DENND11: variants seen among roughly 807,000 people sequenced by gnomAD.
The protein encoded by DENND11 is DENN domain containing 11.
A neutral mutation model predicts 49.2 loss-of-function variants in DENND11; 34 were observed. That is an observed-to-expected ratio of 0.69 (90% CI 0.53 to 0.92). The LOEUF is 0.92. Ranked by LOEUF, DENND11 falls within the 40% of genes least tolerant of loss-of-function variation. The probability of loss-of-function intolerance (pLI) is 0.00; values close to 1 mark genes in which losing one functional copy is unlikely to be tolerated. For missense variants in DENND11, 475 were observed against 581.6 expected (o/e 0.82, Z 1.88); for synonymous variants, 238 against 230.3 (o/e 1.03, Z -0.30).
intron 3 of DENND11, among the ~76,000 whole-genome samples, chr7:141,685,028 AAATATAT>A (rs1798213202): frequency 2.0e-5 from 2 of 100,894 alleles, no homozygotes; most frequent in African/African-American, 6.7e-5. Flanking sequence ...AAAAAAAAAA[AAATATAT>A]ATATATATAT....
In DENND11 at chr7:141,662,598, G is replaced by A; in HGVS notation, c.*58C>T. 1 of 1,327,410 alleles carries A rather than the reference G, an allele frequency of 7.5e-7. No homozygotes were observed. Among genetic ancestry groups the A allele is most frequent in the East Asian group, 2.6e-5 (1 of 38,932 alleles). The allele number at this position is 1,327,410 out of a possible 1,614,324, so 82.2% of individuals were successfully genotyped here. On this transcript the variant is annotated 3_prime_UTR_variant, in exon 9 of 9. Transcript: ENST00000536163. ...AAATGAGGCCCTCTGGGGCCCTGGG[G>A]TGAACTCCGGGCTGCTGACATCCCA...
chr7:141,664,834 G>C lies in DENND11; in HGVS notation c.1103+70C>G. The C allele has an allele frequency of 2.7e-6, 4 of 1,486,860 alleles. No individual in the cohort carries two copies. In the South Asian group the frequency reaches 5.1e-5, roughly 19 times the overall value. The allele number at this position is 1,486,860 out of a possible 1,614,324, so 92.1% of individuals were successfully genotyped here. On this transcript the variant is annotated intron_variant, in intron 7 of 8. Coordinates refer to ENST00000536163, the MANE Select transcript of DENND11 (RefSeq NM_001080392.2). The stretch of plus-strand genomic sequence containing the variant: ...AGGGAAGGGGCAGAAGACAGGCTTT[G>C]CAGAGACCCCCATGCTGGAGCTGCC...
chr7:141,676,133 T>G (rs999083804), intron 3 of DENND11, among the ~76,000 whole-genome samples: 12 of 152,242 alleles, frequency 7.9e-5, no homozygotes, highest in Non-Finnish European at 1.6e-4. Flanking sequence ...AAAGGTGTTT[T>G]TATTAGGATG....
At chr7:141,670,700 C>T (rs1797967261) in intron 4 of DENND11, among the ~76,000 whole-genome samples, 1 of 152,138 alleles carries the variant, frequency 6.6e-6, no homozygotes, top group African/African-American at 2.4e-5. Flanking sequence ...ATCATAAGGT[C>T]GAAAAATCAT....
chr7:141,697,200 G>A (rs1798427295), intron 1 of DENND11, among the ~76,000 whole-genome samples: 1 of 152,146 alleles, frequency 6.6e-6, no homozygotes, highest in African/African-American at 2.4e-5. Context: ...ATCAGAGGCA[G>A]GTCACTGAAA....
rs1323426191 is a variant in DENND11, at chr7:141,665,278, G to A, written c.861C>T (p.Gly287=). Residue 287 remains glycine (G), a synonymous_variant, in exon 6 of 9, where the codon GGC becomes GGT. Transcript: ENST00000536163. The stretch of plus-strand genomic sequence containing the variant: ...TGGACTCAGGAATGGTGCCCCCGAT[G>A]CCAGGCAGTGAAACGTTGGCCAAGC... ...CCCLANVSLP[G]IGGTIPESKP... The A allele has an allele frequency of 1.2e-6, 2 of 1,613,782 alleles. No individual in the cohort carries two copies. The highest frequency in any genetic ancestry group is 2.2e-5 in the South Asian group (2 of 91,026).
In DENND11 at chr7:141,664,979, T is replaced by G. The variant is rs1189321651; in HGVS notation, c.1028A>C (p.His343Pro). The change falls in exon 7 of 9, where the codon CAC becomes CCC. Residue 343 changes from histidine (H) to proline (P), a missense_variant. Physicochemically the swap from His to Pro is moderately conservative, Grantham distance 77. Transcript: ENST00000536163. ...CAGCAGCGGCTGCAGGTGGTCGTGG[T>G]GTGTCTTCACATTCTGGTTATCCAC... ...VYVDNQNVKT[H>P]HDHLQPLLKI... 6.2e-7 allele frequency: 1 copy of G among 1,613,910 alleles called. No individual in the cohort carries two copies. Among genetic ancestry groups the G allele is most frequent in the Non-Finnish European group, 8.5e-7 (1 of 1,179,858 alleles).
At chr7:141,668,717 A>T (rs539441318) in intron 4 of DENND11, among the ~76,000 whole-genome samples, 10 of 152,256 alleles carry the variant, frequency 6.6e-5, no homozygotes, top group Non-Finnish European at 1.3e-4. Flanking sequence ...GCCCAGGCCC[A>T]TGCCAGGGAA....
intron 4 of DENND11, among the ~76,000 whole-genome samples, chr7:141,668,584 A>AAAAC (rs879517125): frequency 7.4e-5 from 11 of 149,170 alleles, no homozygotes; most frequent in African/African-American, 7.3e-5. Flanking sequence ...AGACTGTCTC[A>AAAAC]AAACAAACAA....
At chr7:141,685,038 A>G (rs1798215264) in intron 3 of DENND11, among the ~76,000 whole-genome samples, 1 of 115,584 alleles carries the variant, frequency 8.7e-6, no homozygotes, top group African/African-American at 3.1e-5. Flanking sequence ...AAATATATAT[A>G]TATATATATA....
At chr7:141,666,204 C>T in intron 5 of DENND11, 83 bp downstream of exon 5, 1 of 1,448,334 alleles carries the variant, frequency 6.9e-7, no homozygotes. Flanking sequence ...CAAGCTCTTC[C>T]AAACTTGGTC....
intron 8 of DENND11, chr7:141,663,529 C>G (rs1033231287): frequency 9.4e-6 from 1 of 106,272 alleles, no homozygotes; most frequent in Non-Finnish European, 1.9e-5. Flanking sequence ...CAGATACTTT[C>G]CACCTAAACA....
At chr7:141,699,609 C>G (rs1798473401) in intron 1 of DENND11, among the ~76,000 whole-genome samples, 1 of 152,174 alleles carries the variant, frequency 6.6e-6, no homozygotes, top group Non-Finnish European at 1.5e-5. Flanking sequence ...CTCTCTTCCT[C>G]CCTCCTTTCT....
intron 8 of DENND11, 133 bp from the exon 9 acceptor site, chr7:141,662,984 T>TA: frequency 3.3e-6 from 2 of 601,980 alleles, no homozygotes; most frequent in South Asian, 3.2e-5. Flanking sequence ...AGGTATCTTT[T>TA]AAAAAAAGAA....
Position 141,687,824 on chromosome 7 carries a change from C to T in DENND11, c.269-1166G>A, listed in dbSNP as rs534743240. Among the ~76,000 whole-genome samples, 21 of 152,032 alleles carry T rather than the reference C, an allele frequency of 1.4e-4. No homozygotes were observed. The East Asian group carries it at 1.7e-3, about 13-fold the overall frequency. Reference sequence around the variant, plus strand: ...TAATTTTTTGTATTTTTAGTGGAGACGGGGTTTCACCATGTTAGCCAGGAT... The same window carrying T: ...TAATTTTTTGTATTTTTAGTGGAGATGGGGTTTCACCATGTTAGCCAGGAT... On this transcript the variant is annotated intron_variant, in intron 1 of 8. Transcript: ENST00000536163.
chr7:141,661,727 C>T lies in DENND11; in HGVS notation c.*929G>A, dbSNP rs913283709. 2 of 152,230 alleles carry T rather than the reference C, an allele frequency of 1.3e-5. No homozygotes were observed. The highest frequency in any genetic ancestry group is 6.5e-5 in the Admixed American group (1 of 15,274). 9.4% of individuals were successfully genotyped at this position (152,230 alleles called of 1,614,324 possible). A position where few individuals can be genotyped will look rare whatever the true frequency, so the allele number is the denominator to read the frequency against. On this transcript the variant is annotated 3_prime_UTR_variant, in exon 9 of 9. Transcript: ENST00000536163. ...GCTAATGCCTCCAGAGAATTCGTGT[C>T]CAGATGAAGAGACTTAGAGTGGCTT...
At chr7:141,667,271 A>T (rs1481691086) in intron 4 of DENND11, among the ~76,000 whole-genome samples, 1 of 152,086 alleles carries the variant, frequency 6.6e-6, no homozygotes, top group South Asian at 2.1e-4. Context: ...CCTTCTAGGA[A>T]CACTGAGCCA....
chr7:141,665,499 C>T (rs1374541364), intron 5 of DENND11, among the ~76,000 whole-genome samples, 181 bp from the exon 6 acceptor site: 1 of 152,158 alleles, frequency 6.6e-6, no homozygotes, highest in Non-Finnish European at 1.5e-5. Flanking sequence ...GAAACTGACC[C>T]CTCAAGGTGA....
intron 1 of DENND11, chr7:141,701,612 G>C (rs1047353282): frequency 4.4e-6 from 1 of 225,982 alleles, no homozygotes; most frequent in Non-Finnish European, 8.6e-6. Context: ...TCAGAGGAGA[G>C]GAGGGGAGGG....
Sources: gnomAD v4.1 joint callset for allele counts (sites outside exome capture counted in the v4.1 genomes callset) on GRCh38, gnomAD v4.1.1 for gene constraint, MANE v1.5 for transcripts, NCBI Gene and HGNC (gene_info 2026-07-23, HGNC 2026-07-21) for gene names.